KAT6B: variants seen among roughly 807,000 people sequenced by gnomAD.
KAT6B encodes histone acetyltransferase KAT6B.
In KAT6B, 10 loss-of-function variants were observed where a neutral mutation model predicts 187.5. That is an observed-to-expected ratio of 0.05 (90% CI 0.03 to 0.09). KAT6B has a LOEUF of 0.09. KAT6B is among the 10% of genes least tolerant of loss of function. The pLI is 1.00. For synonymous variants in KAT6B, 861 were observed against 926.8 expected (o/e 0.93, Z 1.29); for missense variants, 1,952 against 2,558.9 (o/e 0.76, Z 5.12).
At chr10:74,928,344 G>T (rs1429132944) in intron 3 of KAT6B, among the ~76,000 whole-genome samples, 1 of 152,170 alleles carries the variant, frequency 6.6e-6, no homozygotes, top group Non-Finnish European at 1.5e-5. Context: ...GCAAGATTCA[G>T]TCCCCTCTCT....
At chr10:74,948,124 AGAGGTAGTCT>A (rs1449112261) in intron 3 of KAT6B, among the ~76,000 whole-genome samples, 2 of 152,234 alleles carry the variant, frequency 1.3e-5, no homozygotes, top group Non-Finnish European at 2.9e-5. Context: ...TGAAAGGGTC[AGAGGTAGTCT>A]GAAAGCAGGG....
intron 3 of KAT6B, among the ~76,000 whole-genome samples, chr10:74,892,470 G>A (rs1318488404): frequency 6.6e-6 from 1 of 152,092 alleles, no homozygotes. Flanking sequence ...TACTATAGGT[G>A]GACTTAGCCT....
At chr10:74,892,363 G>C (rs1845696085) in intron 3 of KAT6B, among the ~76,000 whole-genome samples, 1 of 152,110 alleles carries the variant, frequency 6.6e-6, no homozygotes, top group South Asian at 2.1e-4. Flanking sequence ...GAGAGACCCT[G>C]TCTCCTATAA....
Position 74,906,635 on chromosome 10 carries a change from T to TCA in KAT6B, c.622-53333_622-53332dup, listed in dbSNP as rs1430816001. On this transcript the variant is annotated intron_variant, in intron 3 of 17. Coordinates refer to ENST00000287239, the MANE Select transcript of KAT6B (RefSeq NM_012330.4). ...TTCCACCCTTTTATCTACTTTGAAA[T>TCA]CACCACTTTTCTTACTTTGGTCTTC... Among the ~76,000 whole-genome samples, 3 of 152,254 alleles carry TCA rather than the reference T, an allele frequency of 2.0e-5. No homozygotes were observed. The East Asian group carries it at 5.8e-4, about 29-fold the overall frequency.
chr10:74,874,865 CT>C (rs77486895), intron 3 of KAT6B, among the ~76,000 whole-genome samples: 5,248 of 151,436 alleles, frequency 0.035, 185 homozygotes, highest in East Asian at 0.12. Flanking sequence ...TAAAAGTAGA[CT>C]TTTTTTTGAA....
chr10:74,891,019 A>G (rs1845613953), intron 3 of KAT6B, among the ~76,000 whole-genome samples: 1 of 152,250 alleles, frequency 6.6e-6, no homozygotes, highest in Admixed American at 6.5e-5. Flanking sequence ...AATAAAAGCA[A>G]AGAGCTGAGC....
intron 3 of KAT6B, among the ~76,000 whole-genome samples, chr10:74,956,918 G>A (rs1840728919): frequency 6.6e-6 from 1 of 152,188 alleles, no homozygotes; most frequent in African/African-American, 2.4e-5. Flanking sequence ...GGGAAAATGT[G>A]ATCAACAGGT....
intron 3 of KAT6B, among the ~76,000 whole-genome samples, chr10:74,928,374 T>G (rs1297453252): frequency 6.6e-6 from 1 of 152,136 alleles, no homozygotes; most frequent in African/African-American, 2.4e-5. Flanking sequence ...AGCAGTATGA[T>G]TGGATGGATA....
chr10:74,945,764 T>A (rs1221715631), intron 3 of KAT6B, among the ~76,000 whole-genome samples: 2 of 152,350 alleles, frequency 1.3e-5, no homozygotes, highest in Admixed American at 6.5e-5. Context: ...GCCCAAACTT[T>A]AAAAGGTTGC....
intron 10 of KAT6B, among the ~76,000 whole-genome samples, chr10:74,981,022 G>A (rs1842473681): frequency 6.6e-6 from 1 of 152,164 alleles, no homozygotes; most frequent in South Asian, 2.1e-4. Flanking sequence ...TTCTGAGTAA[G>A]ATATTATATC....
rs149247693 is a variant in KAT6B at position 74,889,001 on chromosome 10, C to T, written c.621+45523C>T. The stretch of plus-strand genomic sequence containing the variant: ...GATTTTTTAACATTTCTGAAATCAG[C>T]GTATCTAACAATTGGTGACATAGTT... On this transcript the variant is annotated intron_variant, in intron 3 of 17. Transcript: ENST00000287239. Among the ~76,000 whole-genome samples, 341 of 152,152 alleles carry T rather than the reference C, an allele frequency of 2.2e-3. 1 individual carries two copies. The highest frequency in any genetic ancestry group is 7.8e-3 in the African/African-American group (324 of 41,476).
In KAT6B at chr10:74,842,627, T is replaced by G. The variant is rs1009705790; in HGVS notation, c.-231T>G. ...CTTGATTTCCCAGTTAAAGATGTTCTTCACCCGAATGCAGTCTTTCCTGTT... is the reference window on the plus strand; with the variant it reads ...CTTGATTTCCCAGTTAAAGATGTTCGTCACCCGAATGCAGTCTTTCCTGTT... On this transcript the variant is annotated 5_prime_UTR_variant, in exon 3 of 18. Coordinates refer to ENST00000287239, the MANE Select transcript of KAT6B (RefSeq NM_012330.4). The G allele has an allele frequency of 1.5e-5, 9 of 606,240 alleles. No homozygotes were observed. The highest frequency in any genetic ancestry group is 1.5e-4 in the African/African-American group (8 of 53,998). 37.6% of individuals were successfully genotyped at this position (606,240 alleles called of 1,614,324 possible). A position where few individuals can be genotyped will look rare whatever the true frequency, so the allele number is the denominator to read the frequency against.
chr10:74,997,176 A>G (rs1202873031), intron 13 of KAT6B, among the ~76,000 whole-genome samples: 1 of 152,006 alleles, frequency 6.6e-6, no homozygotes, highest in Non-Finnish European at 1.5e-5. Context: ...AGCCTGGGCA[A>G]CACAAGGAGA....
intron 11 of KAT6B, 132 bp from the exon 12 acceptor site, chr10:74,984,948 A>C: frequency 1.2e-6 from 1 of 818,176 alleles, no homozygotes; most frequent in African/African-American, 1.7e-5. Flanking sequence ...CTTGCTTAAT[A>C]GAGTGTTTTA....
chr10:74,969,789 C>T lies in KAT6B; in HGVS notation c.846+14C>T, dbSNP rs370768291. ...GGCAGAAATGCTGTAAGTATGGCTC[C>T]CGTAATCCGCCTCCAGGTAACTCGC... On this transcript the variant is annotated intron_variant, in intron 5 of 17. Coordinates refer to ENST00000287239, the MANE Select transcript of KAT6B (RefSeq NM_012330.4). The T allele has an allele frequency of 3.3e-6, 5 of 1,531,090 alleles. No homozygotes were observed. Among genetic ancestry groups the T allele is most frequent in the Admixed American group, 1.7e-5 (1 of 59,852 alleles). The allele number at this position is 1,531,090 out of a possible 1,614,324, so 94.8% of individuals were successfully genotyped here. A position where few individuals can be genotyped will look rare whatever the true frequency, so the allele number is the denominator to read the frequency against.
chr10:74,931,680 A>G (rs978618840), intron 3 of KAT6B, among the ~76,000 whole-genome samples: 2 of 152,188 alleles, frequency 1.3e-5, no homozygotes, highest in Non-Finnish European at 2.9e-5. Context: ...CTTTTAGAAT[A>G]TGATTTGCCA....
At chr10:75,027,976 A>G (rs1238003946) in intron 17 of KAT6B, among the ~76,000 whole-genome samples, 3 of 152,242 alleles carry the variant, frequency 2.0e-5, no homozygotes, top group Non-Finnish European at 4.4e-5. Flanking sequence ...CAGAGAGAAC[A>G]TTCAAATCAA....
chr10:75,029,793 G>C lies in KAT6B; in HGVS notation c.4969G>C (p.Asp1657His). 6.2e-7 allele frequency: 1 copy of C among 1,614,212 alleles called. No individual in the cohort carries two copies. The highest frequency in any genetic ancestry group is 8.5e-7 in the Non-Finnish European group (1 of 1,180,034). Reference sequence around the variant, plus strand: ...CATGATGGATGTCCCATCAGTTTCAGATCATTCACAGCAAGTCGTAGACAG... The same window carrying C: ...CATGATGGATGTCCCATCAGTTTCACATCATTCACAGCAAGTCGTAGACAG... ...SPMMDVPSVSDHSQQVVDSGF... is the reference protein window; with the variant it reads ...SPMMDVPSVSHHSQQVVDSGF... Residue 1657 changes from aspartate to histidine, a missense_variant, in exon 18 of 18, where the codon GAT becomes CAT. Around this residue, in one of 9 missense-constraint regions of KAT6B, gnomAD observed 87 missense variants for 167.5 expected, o/e 0.52. Coordinates refer to ENST00000287239, the MANE Select transcript of KAT6B (RefSeq NM_012330.4). This position sits in a 1 kb window ranked among gnomAD's most constrained non-coding sequence, Gnocchi z 6.2.
rs540318575 is a variant in KAT6B at position 74,905,635 on chromosome 10, A to G, written c.622-54335A>G. Among the ~76,000 whole-genome samples the G allele has an allele frequency of 3.3e-5, 5 of 152,322 alleles. No individual in the cohort carries two copies. In the East Asian group the frequency reaches 9.6e-4, roughly 29 times the overall value. On this transcript the variant is annotated intron_variant, in intron 3 of 17. Coordinates refer to ENST00000287239, the MANE Select transcript of KAT6B (RefSeq NM_012330.4). Reference sequence around the variant, plus strand: ...TCTTGTCTGTAAAATGAGGGTTAAAAGAGAGTCTCTGTAAAGCATTTAATA... The same window carrying G: ...TCTTGTCTGTAAAATGAGGGTTAAAGGAGAGTCTCTGTAAAGCATTTAATA...
Sources: gnomAD v4.1 joint callset for allele counts (sites outside exome capture counted in the v4.1 genomes callset) on GRCh38, gnomAD v4.1.1 for gene constraint, gnomAD v4.1.1 regional missense constraint, Gnocchi (gnomAD v3.1) non-coding constraint, MANE v1.5 for transcripts, NCBI Gene and HGNC (gene_info 2026-07-23, HGNC 2026-07-21) for gene names.